Variants in STAU2 observed in about 807,000 individuals in gnomAD.
STAU2 encodes double-stranded RNA-binding protein Staufen homolog 2.
A neutral mutation model predicts 65.9 loss-of-function variants in STAU2; 20 were observed. That is an observed-to-expected ratio of 0.30 (90% CI 0.21 to 0.44). The LOEUF is 0.44. STAU2 is among the 20% of genes least tolerant of loss of function. The probability of loss-of-function intolerance (pLI) is 1.00; values close to 1 mark genes in which losing one functional copy is unlikely to be tolerated. For synonymous variants in STAU2, 232 were observed against 233.9 expected (o/e 0.99, Z 0.07); for missense variants, 558 against 683.9 (o/e 0.82, Z 2.05).
At chr8:73,640,093 TAA>T (rs1814839011) in intron 6 of STAU2, among the ~76,000 whole-genome samples, 2 of 152,024 alleles carry the variant, frequency 1.3e-5, no homozygotes, top group African/African-American at 2.4e-5. Context: ...ACTTCAAATA[TAA>T]AAAGTGTTCC....
In STAU2 at chr8:73,715,292, T is replaced by C. The variant is rs535919422; in HGVS notation, c.-17-6130A>G. Reference sequence around the variant, plus strand: ...CCAACATGGTGAAACCCTGTCTCTATTAAAAATACAAAAATCAGCCAGGCA... The same window carrying C: ...CCAACATGGTGAAACCCTGTCTCTACTAAAAATACAAAAATCAGCCAGGCA... On this transcript the variant is annotated intron_variant, in intron 3 of 14. Transcript: ENST00000524300. Among the ~76,000 whole-genome samples the C allele has an allele frequency of 7.4e-4, 112 of 151,116 alleles. 1 individual carries two copies. The highest frequency in any genetic ancestry group is 2.5e-3 in the African/African-American group (104 of 41,240).
intron 13 of STAU2, among the ~76,000 whole-genome samples, chr8:73,504,127 A>C (rs1191092662): frequency 2.6e-5 from 4 of 152,254 alleles, no homozygotes. Context: ...CGCATATCCC[A>C]AGACCCATAT....
intron 6 of STAU2, among the ~76,000 whole-genome samples, chr8:73,627,480 T>C (rs1450894881): frequency 6.6e-6 from 1 of 152,148 alleles, no homozygotes; most frequent in Non-Finnish European, 1.5e-5. Context: ...AGGCTTCTGA[T>C]TCCTGAATAT....
At chr8:73,485,116 T>C (rs1007857826) in intron 13 of STAU2, among the ~76,000 whole-genome samples, 4 of 151,384 alleles carry the variant, frequency 2.6e-5, no homozygotes, top group Non-Finnish European at 5.9e-5. Context: ...TGTTGCTTTG[T>C]TACCCTGAGA....
At chr8:73,727,871 A>C (rs1482781787) in intron 3 of STAU2, 1 of 152,226 alleles carries the variant, frequency 6.6e-6, no homozygotes, top group Admixed American at 6.5e-5. Flanking sequence ...CATCGTCCTC[A>C]AAACCAGTTA....
intron 9 of STAU2, among the ~76,000 whole-genome samples, chr8:73,611,882 A>C (rs1437518131): frequency 6.6e-6 from 1 of 152,096 alleles, no homozygotes; most frequent in Non-Finnish European, 1.5e-5. Flanking sequence ...AAGTTTCGCC[A>C]TGTTGGCCAT....
At chr8:73,664,173 T>A (rs1388585586) in intron 6 of STAU2, among the ~76,000 whole-genome samples, 1 of 152,104 alleles carries the variant, frequency 6.6e-6, no homozygotes, top group Non-Finnish European at 1.5e-5. Flanking sequence ...CACCTCAGTC[T>A]CCCAAGTAGC....
At chr8:73,482,947 AC>A (rs1300771441) in intron 13 of STAU2, among the ~76,000 whole-genome samples, 2 of 152,256 alleles carry the variant, frequency 1.3e-5, no homozygotes, top group East Asian at 3.9e-4. Context: ...AGAATGGTAA[AC>A]AGAGCTCCCA....
chr8:73,427,951 A>G (rs970481134), intron 13 of STAU2, among the ~76,000 whole-genome samples: 1 of 152,228 alleles, frequency 6.6e-6, no homozygotes, highest in African/African-American at 2.4e-5. Context: ...ATAATGATAA[A>G]TTATTTAACA....
Position 73,421,485 on chromosome 8 carries a change from A to G in STAU2, c.1620-20T>C. 6.5e-7 allele frequency: 1 copy of G among 1,537,098 alleles called. No individual in the cohort carries two copies. Among genetic ancestry groups the G allele is most frequent in the African/African-American group, 1.4e-5 (1 of 73,168 alleles). On this transcript the variant is annotated intron_variant, in intron 14 of 14. Transcript: ENST00000524300. ...GCTTGTCTGAAAGATTAATACATTA[A>G]CAAGAGCTGAAGGCCTGGGGTTGCA...
intron 3 of STAU2, among the ~76,000 whole-genome samples, chr8:73,734,780 T>A (rs770637330): frequency 2.0e-5 from 3 of 151,244 alleles, no homozygotes; most frequent in Non-Finnish European, 4.4e-5. Flanking sequence ...GGCAACAGAG[T>A]GAGACTCCAT....
rs542512440 is a variant in STAU2, at chr8:73,617,409, A to G, written c.453T>C (p.Thr151=). The G allele has an allele frequency of 6.2e-7, 1 of 1,614,124 alleles. No homozygotes were observed. The highest frequency in any genetic ancestry group is 1.7e-5 in the Admixed American group (1 of 60,024). ...CCCCAAAAAATTCATTATTTCCTAC[A>G]GTGAGCTGAACATAAAAGATCTTAG... is the stretch of plus-strand genomic sequence containing the variant. ...PVPKIFYVQL[T]VGNNEFFGEG... is the part of the protein sequence containing the mutation. Residue 151 remains threonine, a synonymous_variant, in exon 7 of 15, where the codon ACT becomes ACC. Transcript: ENST00000524300.
chr8:73,575,203 C>CA (rs1171065548), intron 12 of STAU2, among the ~76,000 whole-genome samples: 2 of 150,496 alleles, frequency 1.3e-5, no homozygotes, highest in African/African-American at 4.9e-5. Context: ...TTATGTCATT[C>CA]ACAGAAAAAG....
chr8:73,713,941 T>G (rs532229858), intron 3 of STAU2, among the ~76,000 whole-genome samples: 1 of 152,266 alleles, frequency 6.6e-6, no homozygotes, highest in South Asian at 2.1e-4. Flanking sequence ...TTCACTCTTG[T>G]TGCCCAGGCT....
chr8:73,505,841 G>A (rs1485744113), intron 13 of STAU2, among the ~76,000 whole-genome samples: 1 of 152,046 alleles, frequency 6.6e-6, no homozygotes, highest in Non-Finnish European at 1.5e-5. Context: ...TAGATCGTGG[G>A]AGCAGATACC....
At chr8:73,640,357 T>C (rs769908699) in intron 6 of STAU2, among the ~76,000 whole-genome samples, 2 of 152,146 alleles carry the variant, frequency 1.3e-5, no homozygotes, top group Non-Finnish European at 2.9e-5. Flanking sequence ...ATTGGTTATA[T>C]ATAAAACATA....
chr8:73,507,706 A>C (rs759321455), intron 13 of STAU2, among the ~76,000 whole-genome samples: 1 of 152,320 alleles, frequency 6.6e-6, no homozygotes, highest in South Asian at 2.1e-4. Context: ...TCTAGCTATG[A>C]AAATCCCAGA....
intron 7 of STAU2, among the ~76,000 whole-genome samples, chr8:73,616,126 C>A (rs1269312534): frequency 6.6e-6 from 1 of 152,132 alleles, no homozygotes; most frequent in Non-Finnish European, 1.5e-5. Flanking sequence ...GGAATTCCCC[C>A]ACTGGTGTTC....
chr8:73,618,792 G>A (rs544546241), intron 6 of STAU2, among the ~76,000 whole-genome samples: 5 of 152,344 alleles, frequency 3.3e-5, no homozygotes, highest in African/African-American at 1.2e-4. Flanking sequence ...GTAACGAGAA[G>A]TCATTGTTTC....
Sources: gnomAD v4.1 joint callset for allele counts (sites outside exome capture counted in the v4.1 genomes callset) on GRCh38, gnomAD v4.1.1 for gene constraint, MANE v1.5 for transcripts, NCBI Gene and HGNC (gene_info 2026-07-23, HGNC 2026-07-21) for gene names.